Variants in FRMPD2 observed in about 807,000 individuals in gnomAD.
The protein encoded by FRMPD2 is FERM and PDZ domain-containing protein 2.
Under a neutral mutation model 140.1 loss-of-function variants are expected in FRMPD2, and 96 were observed. The ratio of observed to expected loss-of-function variants is 0.69; its 90% CI spans 0.58 to 0.81. The LOEUF is 0.81. FRMPD2 is among the 40% of genes least tolerant of loss of function. The pLI is 0.00. For missense variants in FRMPD2, 1,240 were observed against 1,447.4 expected, an observed-to-expected ratio of 0.86 and a Z score of 2.32; for synonymous variants, 449 against 547.6, an observed-to-expected ratio of 0.82 and a Z score of 2.52.
At chr10:48,242,475 G>A in intron 4 of FRMPD2, 123 bp from the exon 5 acceptor site, 1 of 756,626 alleles carries the variant, frequency 1.3e-6, no homozygotes, top group Non-Finnish European at 2.1e-6. Context: ...CAGAGCAGAT[G>A]CCTGCCCCTT....
intron 4 of FRMPD2, among the ~76,000 whole-genome samples, chr10:48,243,553 C>G (rs1176153366): frequency 1.3e-5 from 2 of 152,200 alleles, no homozygotes; most frequent in Non-Finnish European, 2.9e-5. Context: ...CAGGGTCACA[C>G]ACTCAGGACA....
At chr10:48,219,098 A>G (rs1344031416) in intron 12 of FRMPD2, among the ~76,000 whole-genome samples, 1 of 152,174 alleles carries the variant, frequency 6.6e-6, no homozygotes, top group Non-Finnish European at 1.5e-5. Flanking sequence ...GTTGAGACGG[A>G]TGTGCAGACA....
intron 10 of FRMPD2, among the ~76,000 whole-genome samples, chr10:48,223,569 C>G (rs1207236561): frequency 1.3e-5 from 2 of 152,204 alleles, no homozygotes; most frequent in Non-Finnish European, 2.9e-5. Flanking sequence ...GCTATCATCT[C>G]ATGGGTATAA....
intron 5 of FRMPD2, among the ~76,000 whole-genome samples, chr10:48,241,169 G>A (rs1237107197): frequency 4.6e-5 from 7 of 152,090 alleles, no homozygotes; most frequent in African/African-American, 1.4e-4. Flanking sequence ...AAGAGAGAAG[G>A]GGTCCAAGAA....
intron 3 of FRMPD2, among the ~76,000 whole-genome samples, chr10:48,246,344 G>A (rs1840247979): frequency 6.6e-6 from 1 of 152,210 alleles, no homozygotes; most frequent in South Asian, 2.1e-4. Flanking sequence ...GGATTCTAAG[G>A]GCTCTGTCTA....
At chr10:48,201,186 A>AAACT in intron 15 of FRMPD2, 42 bp downstream of exon 15, 1 of 1,464,560 alleles carries the variant, frequency 6.8e-7, no homozygotes. Context: ...ATGAAATAAC[A>AAACT]AACTTGTCAA....
chr10:48,195,451 AG>A (rs1838929256), intron 15 of FRMPD2, among the ~76,000 whole-genome samples: 1 of 152,226 alleles, frequency 6.6e-6, no homozygotes, highest in Non-Finnish European at 1.5e-5. Flanking sequence ...TGCAAAATAA[AG>A]CCACAGCGAG....
intron 1 of FRMPD2, among the ~76,000 whole-genome samples, chr10:48,273,326 G>A (rs1840800390): frequency 6.6e-6 from 1 of 152,044 alleles, no homozygotes; most frequent in Admixed American, 6.5e-5. Context: ...AACTACCAGT[G>A]CCTATCTGGG....
intron 7 of FRMPD2, among the ~76,000 whole-genome samples, chr10:48,239,129 G>A (rs926503648): frequency 2.6e-5 from 4 of 152,142 alleles, no homozygotes; most frequent in Admixed American, 1.3e-4. Flanking sequence ...CATTCACCCC[G>A]CAGGAGAAGC....
intron 1 of FRMPD2, among the ~76,000 whole-genome samples, chr10:48,270,474 T>C (rs1288814080): frequency 6.6e-6 from 1 of 152,214 alleles, no homozygotes; most frequent in African/African-American, 2.4e-5. Context: ...TGGTATTATT[T>C]GTAACAATGA....
intron 20 of FRMPD2, among the ~76,000 whole-genome samples, chr10:48,183,399 G>A (rs1394032442): frequency 6.6e-6 from 1 of 152,106 alleles, no homozygotes; most frequent in Admixed American, 6.5e-5. Context: ...GCTTGGTCCC[G>A]ATAAAAACAA....
At position 48,212,170 on chromosome 10, in the gene FRMPD2, G is replaced by A. The variant is rs1588832962; in HGVS notation, c.1456-61C>T. On this transcript the variant is annotated intron_variant, in intron 12 of 28. Transcript: ENST00000374201. ...AGACACTGGCCGGGGGACTCTGAGA[G>A]GAATGAAAACATTATCTGTAGTCAC... 8.4e-6 allele frequency: 13 copies of A among 1,539,270 alleles called. No homozygotes were observed. In the East Asian group the frequency reaches 2.3e-4, roughly 27 times the overall value.
At chr10:48,200,329 C>A (rs1839055888) in intron 15 of FRMPD2, among the ~76,000 whole-genome samples, 2 of 152,160 alleles carry the variant, frequency 1.3e-5, no homozygotes, top group Admixed American at 1.3e-4. Flanking sequence ...GCTCACCTGC[C>A]TCCTCGAATC....
chr10:48,236,596 C>T (rs776519399), intron 8 of FRMPD2, 43 bp from the exon 9 acceptor site: 1 of 1,588,702 alleles, frequency 6.3e-7, no homozygotes. Context: ...ACAACAGATT[C>T]CAGGCTTTGG....
chr10:48,263,580 T>C lies in FRMPD2; in HGVS notation c.25+10963A>G, dbSNP rs566539862. Among the ~76,000 whole-genome samples, 10 of 152,280 alleles carry C rather than the reference T, an allele frequency of 6.6e-5. No homozygotes were observed. In the East Asian group the frequency reaches 1.9e-3, roughly 29 times the overall value. On this transcript the variant is annotated intron_variant, in intron 1 of 28. Coordinates refer to ENST00000374201, the MANE Select transcript of FRMPD2 (RefSeq NM_001018071.4). ...GACCAATTCCTTGAAAGTGAAAATC[T>C]ATCAAAACTCATACAAAGAGAAATA...
At chr10:48,228,642 A>G (rs139881960) in intron 10 of FRMPD2, among the ~76,000 whole-genome samples, 60 of 152,096 alleles carry the variant, frequency 3.9e-4, no homozygotes, top group Non-Finnish European at 8.4e-4. Flanking sequence ...CTTACTTTCT[A>G]GTTTTCTGGT....
intron 17 of FRMPD2, among the ~76,000 whole-genome samples, chr10:48,185,945 A>AT (rs1444372804): frequency 2.0e-5 from 3 of 152,288 alleles, no homozygotes; most frequent in East Asian, 3.9e-4. Flanking sequence ...TACTGTAGCT[A>AT]TTTTTTTCCG....
At chr10:48,211,181 G>C (rs1426866897) in intron 13 of FRMPD2, among the ~76,000 whole-genome samples, 1 of 152,248 alleles carries the variant, frequency 6.6e-6, no homozygotes, top group East Asian at 1.9e-4. Flanking sequence ...ATTTTCCAGT[G>C]CCTGGCCCAC....
At chr10:48,239,584 C>T in intron 7 of FRMPD2, 21 bp downstream of exon 7, 1 of 1,596,940 alleles carries the variant, frequency 6.3e-7, no homozygotes, top group Non-Finnish European at 8.6e-7. Context: ...TTCACAGCAC[C>T]CTTTAGGCCT....
Sources: allele counts gnomAD v4.1 joint callset (sites outside exome capture counted in the v4.1 genomes callset), GRCh38; gene constraint gnomAD v4.1.1; transcripts MANE v1.5; gene names NCBI Gene and HGNC (gene_info 2026-07-23, HGNC 2026-07-21).